PEX5L: variants seen among roughly 807,000 people sequenced by gnomAD.
PEX5L encodes PEX5-related protein.
PEX5L carries 30 observed loss-of-function variants against 84.0 expected under a neutral mutation model. That is an observed-to-expected ratio of 0.36 (90% CI 0.27 to 0.48). The LOEUF (loss-of-function observed/expected upper bound fraction) is 0.48. PEX5L is among the 20% of genes least tolerant of loss of function. PEX5L has a pLI of 0.99. For missense variants in PEX5L, 533 were observed against 754.6 expected, an observed-to-expected ratio of 0.71 and a Z score of 3.44; for synonymous variants, 270 against 283.1, an observed-to-expected ratio of 0.95 and a Z score of 0.46.
intron 2 of PEX5L, among the ~76,000 whole-genome samples, chr3:179,906,222 T>C (rs773402560): frequency 6.6e-6 from 1 of 152,234 alleles, no homozygotes; most frequent in Non-Finnish European, 1.5e-5. Flanking sequence ...ATCTCACTCT[T>C]ACCATGTCCC....
At position 179,859,764 on chromosome 3, in the gene PEX5L, T is replaced by C. The variant is rs566380929; in HGVS notation, c.727-607A>G. Among the ~76,000 whole-genome samples the C allele has an allele frequency of 5.3e-5, 8 of 152,370 alleles. No homozygotes were observed. In the South Asian group the frequency reaches 1.7e-3, roughly 32 times the overall value. On this transcript the variant is annotated intron_variant, in intron 7 of 14. Coordinates refer to ENST00000467460, the MANE Select transcript of PEX5L (RefSeq NM_016559.3). ...AATGAATCACTTAGATAAAATCATGTCTGATAAGGCCAACTGCTTTGCCAC... is the reference window on the plus strand; with the variant it reads ...AATGAATCACTTAGATAAAATCATGCCTGATAAGGCCAACTGCTTTGCCAC...
In PEX5L at chr3:179,797,004, G is replaced by A. The variant is rs760693652; in HGVS notation, c.*4824C>T. ...TGCCTGACATTACCCCAACCTCCTCGCCTTATTTAGAATATCAGTTTTTCT... is the reference window on the plus strand; with the variant it reads ...TGCCTGACATTACCCCAACCTCCTCACCTTATTTAGAATATCAGTTTTTCT... On this transcript the variant is annotated 3_prime_UTR_variant, in exon 15 of 15. Transcript: ENST00000467460. 5.3e-5 allele frequency: 8 copies of A among 152,112 alleles called. No homozygotes were observed. The highest frequency in any genetic ancestry group is 9.6e-5 in the African/African-American group (4 of 41,486). The allele number at this position is 152,112 out of a possible 1,614,324, so 9.4% of individuals were successfully genotyped here.
At chr3:179,811,671 G>T (rs995756484) in intron 11 of PEX5L, 130 bp downstream of exon 11, 3 of 720,958 alleles carry the variant, frequency 4.2e-6, no homozygotes, top group African/African-American at 3.5e-5. Context: ...GTGATATGCG[G>T]TATCTCAGCA....
chr3:179,871,014 G>A (rs1750120597), intron 7 of PEX5L, among the ~76,000 whole-genome samples: 1 of 151,224 alleles, frequency 6.6e-6, no homozygotes, highest in Admixed American at 6.6e-5. Context: ...GTCTTCACCT[G>A]TTGGGTCACT....
intron 1 of PEX5L, among the ~76,000 whole-genome samples, chr3:179,995,102 C>T (rs1028964588): frequency 6.8e-6 from 1 of 146,210 alleles, no homozygotes; most frequent in Non-Finnish European, 1.5e-5. Context: ...TATATATATA[C>T]ACACACTATA....
intron 2 of PEX5L, among the ~76,000 whole-genome samples, chr3:179,936,214 C>T (rs2049769): frequency 0.78 from 118,603 of 152,080 alleles, 46,530 homozygotes; most frequent in African/African-American, 0.85. Flanking sequence ...TGATTCCTTA[C>T]TGATTATATT....
chr3:179,867,897 G>A (rs1005980513), intron 7 of PEX5L, among the ~76,000 whole-genome samples: 12 of 152,180 alleles, frequency 7.9e-5, no homozygotes, highest in African/African-American at 2.9e-4. Flanking sequence ...TATCAACCCT[G>A]TAAAAGTAAG....
chr3:179,949,334 G>A (rs1211971620), intron 2 of PEX5L, among the ~76,000 whole-genome samples: 1 of 152,090 alleles, frequency 6.6e-6, no homozygotes, highest in Non-Finnish European at 1.5e-5. Context: ...TTAACACAGT[G>A]GATCTTTCCA....
At chr3:179,992,673 A>G (rs1787489195) in intron 1 of PEX5L, among the ~76,000 whole-genome samples, 1 of 152,206 alleles carries the variant, frequency 6.6e-6, no homozygotes, top group African/African-American at 2.4e-5. Flanking sequence ...TATTTGTGGA[A>G]TAAATAAAAT....
Position 179,916,671 on chromosome 3 carries a change from A to C in PEX5L, c.94-18425T>G, listed in dbSNP as rs1308923063. On this transcript the variant is annotated intron_variant, in intron 2 of 14. Coordinates refer to ENST00000467460, the MANE Select transcript of PEX5L (RefSeq NM_016559.3). Reference sequence around the variant, plus strand: ...TACTTTATAAGTTTTTAAATTAACCACCCCCCCTTTGTTTTTGAGACAGCG... The same window carrying C: ...TACTTTATAAGTTTTTAAATTAACCCCCCCCCCTTTGTTTTTGAGACAGCG... 2.0e-5 allele frequency among the ~76,000 whole-genome samples: 3 copies of C among 151,340 alleles called. No individual in the cohort carries two copies. The East Asian group carries it at 5.8e-4, about 29-fold the overall frequency.
At chr3:179,938,428 T>A (rs1174915419) in intron 2 of PEX5L, among the ~76,000 whole-genome samples, 2 of 152,218 alleles carry the variant, frequency 1.3e-5, no homozygotes, top group Non-Finnish European at 2.9e-5. Flanking sequence ...ACTCTGGAGA[T>A]TTAACAAGAG....
At chr3:179,860,234 G>A (rs1375531963) in intron 7 of PEX5L, among the ~76,000 whole-genome samples, 2 of 152,242 alleles carry the variant, frequency 1.3e-5, no homozygotes, top group Middle Eastern at 3.2e-3. Context: ...GACAAGGGAT[G>A]AGTGCCCACA....
chr3:179,961,549 C>A (rs1348988340), intron 2 of PEX5L, among the ~76,000 whole-genome samples: 1 of 151,980 alleles, frequency 6.6e-6, no homozygotes, highest in East Asian at 1.9e-4. Context: ...AAGGTCGGGG[C>A]AATGGCAGAG....
At chr3:179,828,549 G>T (rs1466543125) in intron 8 of PEX5L, among the ~76,000 whole-genome samples, 1 of 152,088 alleles carries the variant, frequency 6.6e-6, no homozygotes. Flanking sequence ...TAAGGAAACA[G>T]GTTCCTTACT....
chr3:180,008,174 C>T (rs1181665213), intron 1 of PEX5L, among the ~76,000 whole-genome samples: 1 of 152,164 alleles, frequency 6.6e-6, no homozygotes, highest in African/African-American at 2.4e-5. Context: ...TTTCTTCCAC[C>T]AGATACCCTA....
intron 8 of PEX5L, among the ~76,000 whole-genome samples, chr3:179,858,858 C>T (rs1744974058): frequency 6.6e-6 from 1 of 152,108 alleles, no homozygotes; most frequent in Admixed American, 6.5e-5. Context: ...ATTTGTCATC[C>T]CTGGTGGGAA....
Position 179,797,127 on chromosome 3 carries a change from A to T in PEX5L, c.*4701T>A, listed in dbSNP as rs1717270469. 6.6e-6 allele frequency: 1 copy of T among 152,242 alleles called. No homozygotes were observed. Among genetic ancestry groups the T allele is most frequent in the Non-Finnish European group, 1.5e-5 (1 of 68,040 alleles). 9.4% of individuals were successfully genotyped at this position (152,242 alleles called of 1,614,324 possible). A position where few individuals can be genotyped will look rare whatever the true frequency, so the allele number is the denominator to read the frequency against. ...TGAGGCAGTCAACATGATTTAGTTT[A>T]GTAGCATTCAGACACTTGGATTTGT... On this transcript the variant is annotated 3_prime_UTR_variant, in exon 15 of 15. Coordinates refer to ENST00000467460, the MANE Select transcript of PEX5L (RefSeq NM_016559.3).
intron 1 of PEX5L, among the ~76,000 whole-genome samples, chr3:180,032,305 C>G (rs1791532484): frequency 6.6e-6 from 1 of 152,108 alleles, no homozygotes; most frequent in Non-Finnish European, 1.5e-5. Context: ...AGGAAGAAGA[C>G]CAGGTGCCAC....
rs1791951868 is a variant in PEX5L at position 180,036,865 on chromosome 3, T to C, written c.-266A>G. ...AGGAGCCGGGTCGGCCAGGCTCTCC[T>C]GCAGGCGCGGGTCCTGCTCGCGGGG... is the stretch of plus-strand genomic sequence containing the variant. On this transcript the variant is annotated 5_prime_UTR_variant, in exon 1 of 15. Coordinates refer to ENST00000467460, the MANE Select transcript of PEX5L (RefSeq NM_016559.3). 8 of 551,126 alleles carry C rather than the reference T, an allele frequency of 1.5e-5. 1 individual carries two copies. The highest frequency in any genetic ancestry group is 1.1e-4 in the South Asian group (5 of 47,418). The allele number at this position is 551,126 out of a possible 1,614,324, so 34.1% of individuals were successfully genotyped here. A position where few individuals can be genotyped will look rare whatever the true frequency, so the allele number is the denominator to read the frequency against.
Sources: gnomAD v4.1 joint callset for allele counts (sites outside exome capture counted in the v4.1 genomes callset) on GRCh38, gnomAD v4.1.1 for gene constraint, MANE v1.5 for transcripts, NCBI Gene and HGNC (gene_info 2026-07-23, HGNC 2026-07-21) for gene names.